WASF1: variants seen among roughly 807,000 people sequenced by gnomAD.
WASF1 encodes the protein WASP family member 1, also known as actin-binding protein WASF1.
WASF1 carries 7 observed loss-of-function variants against 50.5 expected under a neutral mutation model. The observed-to-expected ratio is 0.14, with a 90% CI of 0.08 to 0.26. WASF1 has a LOEUF of 0.26. WASF1 is among the 10% of genes least tolerant of loss of function. WASF1 has a pLI of 1.00. For synonymous variants in WASF1, 205 were observed against 244.0 expected, an observed-to-expected ratio of 0.84 and a Z score of 1.49; for missense variants, 470 against 694.7, an observed-to-expected ratio of 0.68 and a Z score of 3.64.
rs1180952392 is a variant in WASF1, at chr6:110,107,117, T to C, written c.500A>G (p.Gln167Arg). The C allele has an allele frequency of 6.2e-7, 1 of 1,608,968 alleles. No homozygotes were observed. Among genetic ancestry groups the C allele is most frequent in the Admixed American group, 1.7e-5 (1 of 58,982 alleles). Reference sequence around the variant, plus strand: ...TTCCTTCCTCTTATCCTCTGTATCTTGCAACATTTTTTCTTTCCATAGATC... The same window carrying C: ...TTCCTTCCTCTTATCCTCTGTATCTCGCAACATTTTTTCTTTCCATAGATC... ...FFDLWKEKML[Q>R]DTEDKRKEKR... is the part of the protein sequence containing the mutation. The change falls in exon 7 of 11, where the codon CAA becomes CGA. Residue 167 changes from glutamine (Q) to arginine (R), a missense_variant. Coordinates refer to ENST00000392589, the MANE Select transcript of WASF1 (RefSeq NM_003931.3).
chr6:110,109,988 A>G (rs1773488804), intron 5 of WASF1, among the ~76,000 whole-genome samples: 1 of 152,210 alleles, frequency 6.6e-6, no homozygotes, highest in Admixed American at 6.5e-5. Flanking sequence ...TGGTGGCACC[A>G]TAATTCCATT....
intron 4 of WASF1, among the ~76,000 whole-genome samples, chr6:110,126,044 G>A (rs539572430): frequency 2.6e-5 from 4 of 152,112 alleles, no homozygotes; most frequent in African/African-American, 9.6e-5. Flanking sequence ...TTCATTTTAA[G>A]AAATATGTTA....
At chr6:110,162,462 A>G (rs1776299126) in intron 2 of WASF1, among the ~76,000 whole-genome samples, 1 of 151,136 alleles carries the variant, frequency 6.6e-6, no homozygotes, top group African/African-American at 2.4e-5. Context: ...AAAAAATCCA[A>G]AAAACTAAAG....
intron 3 of WASF1, among the ~76,000 whole-genome samples, chr6:110,135,003 T>C (rs1305325741): frequency 3.3e-5 from 5 of 152,208 alleles, no homozygotes. Flanking sequence ...CATGAGCATG[T>C]GATGTGTTTC....
intron 3 of WASF1, among the ~76,000 whole-genome samples, chr6:110,128,563 C>G (rs552659317): frequency 6.6e-6 from 1 of 152,254 alleles, no homozygotes; most frequent in African/African-American, 2.4e-5. Context: ...AGGCTGCTCT[C>G]ACTTTGCATG....
chr6:110,125,397 G>A (rs960715953), intron 4 of WASF1, among the ~76,000 whole-genome samples: 5 of 152,112 alleles, frequency 3.3e-5, no homozygotes, highest in Non-Finnish European at 5.9e-5. Context: ...TTTTGGTTGG[G>A]TTCAGTGATG....
chr6:110,165,341 C>G (rs1288488548), intron 2 of WASF1, among the ~76,000 whole-genome samples: 1 of 151,426 alleles, frequency 6.6e-6, no homozygotes, highest in Non-Finnish European at 1.5e-5. Context: ...TAAAACTGAT[C>G]TAAAAAATAA....
intron 3 of WASF1, among the ~76,000 whole-genome samples, chr6:110,154,837 T>A (rs1775988090): frequency 6.6e-6 from 1 of 152,062 alleles, no homozygotes; most frequent in Non-Finnish European, 1.5e-5. Context: ...GGAATTTGGA[T>A]AAAAATTGAA....
At chr6:110,157,554 T>C (rs1269232047) in intron 3 of WASF1, among the ~76,000 whole-genome samples, 1 of 4,634 alleles carries the variant, frequency 2.2e-4, no homozygotes, top group Non-Finnish European at 3.6e-4. Flanking sequence ...TATTTCCTTC[T>C]CCTGCCTGAT....
At chr6:110,143,159 T>TA (rs904960982) in intron 3 of WASF1, among the ~76,000 whole-genome samples, 43 of 151,650 alleles carry the variant, frequency 2.8e-4, no homozygotes, top group African/African-American at 7.5e-4. Context: ...TTTTTAATTT[T>TA]AAAAAAAACC....
intron 2 of WASF1, among the ~76,000 whole-genome samples, chr6:110,177,502 T>A (rs1584047485): frequency 6.6e-6 from 1 of 152,132 alleles, no homozygotes; most frequent in East Asian, 1.9e-4. Context: ...AGAAATTTTT[T>A]AATCATTCAT....
In WASF1 at chr6:110,108,662, T is replaced by C. The variant is rs747208139; in HGVS notation, c.288A>G (p.Thr96=). The C allele has an allele frequency of 1.9e-6, 3 of 1,613,720 alleles. No homozygotes were observed. Among genetic ancestry groups the C allele is most frequent in the Non-Finnish European group, 8.5e-7 (1 of 1,179,870 alleles). ...TAGAACTTCGGAAAGCTTTCCTCAT[T>C]GTTATATCTTGCAAAGACACTAAAA... ...KEEELSLQDI[T]MRKAFRSSTI... The change falls in exon 6 of 11, where the codon ACA becomes ACG. Residue 96 remains threonine (T), a synonymous_variant. Transcript: ENST00000392589.
At chr6:110,117,008 C>G (rs916621651) in intron 4 of WASF1, among the ~76,000 whole-genome samples, 1 of 151,490 alleles carries the variant, frequency 6.6e-6, no homozygotes, top group Non-Finnish European at 1.5e-5. Flanking sequence ...TGTAGGTCAC[C>G]AACATCGAAG....
chr6:110,134,049 T>C (rs1774826845), intron 3 of WASF1, among the ~76,000 whole-genome samples: 1 of 152,142 alleles, frequency 6.6e-6, no homozygotes, highest in Non-Finnish European at 1.5e-5. Flanking sequence ...AGTGGCATGA[T>C]CTAAGCTCAC....
intron 5 of WASF1, among the ~76,000 whole-genome samples, chr6:110,109,268 T>C (rs895312257): frequency 6.6e-6 from 1 of 152,202 alleles, no homozygotes; most frequent in Admixed American, 6.5e-5. Context: ...ACTATAAGGA[T>C]TTCTACCTAA....
rs1363154189 is a variant in WASF1 at position 110,124,238 on chromosome 6, CT to C, written c.133+3230del. 1.6e-4 allele frequency among the ~76,000 whole-genome samples: 4 copies of C among 25,790 alleles called. 1 individual carries two copies. Among genetic ancestry groups the C allele is most frequent in the African/African-American group, 5.2e-4 (3 of 5,756 alleles). 16.9% of individuals were successfully genotyped at this position (25,790 alleles called of 152,430 possible). A position where few individuals can be genotyped will look rare whatever the true frequency, so the allele number is the denominator to read the frequency against. On this transcript the variant is annotated intron_variant, in intron 4 of 10. Transcript: ENST00000392589. Reference sequence around the variant, plus strand: ...CTCTCCTCTCTCTCCTCTCTCTCCTCTCTCTCTCTCTCTCTCTCTCTCTCTC... The same window carrying C: ...CTCTCCTCTCTCTCCTCTCTCTCCTCCTCTCTCTCTCTCTCTCTCTCTCTC...
chr6:110,126,032 A>G (rs954252973), intron 4 of WASF1, among the ~76,000 whole-genome samples: 2 of 152,210 alleles, frequency 1.3e-5, no homozygotes, highest in Admixed American at 6.5e-5. Flanking sequence ...CTGGATCCAC[A>G]ATTCATTTTA....
chr6:110,122,239 C>CAAAA (rs55836821), intron 4 of WASF1, among the ~76,000 whole-genome samples: 2 of 114,166 alleles, frequency 1.8e-5, no homozygotes, highest in African/African-American at 6.1e-5. Context: ...AAATGGAATC[C>CAAAA]AAAAAAAAAA....
chr6:110,161,796 C>T (rs1008678368), intron 2 of WASF1, among the ~76,000 whole-genome samples: 3 of 151,502 alleles, frequency 2.0e-5, no homozygotes, highest in African/African-American at 4.8e-5. Flanking sequence ...GAACAAGCTA[C>T]ATGAAAGGAA....
Sources: gnomAD v4.1 joint callset for allele counts (sites outside exome capture counted in the v4.1 genomes callset) on GRCh38, gnomAD v4.1.1 for gene constraint, MANE v1.5 for transcripts, NCBI Gene and HGNC (gene_info 2026-07-23, HGNC 2026-07-21) for gene names.